PI4K2A: variants seen among roughly 807,000 people sequenced by gnomAD.
PI4K2A encodes phosphatidylinositol 4-kinase type 2-alpha.
PI4K2A carries 20 observed loss-of-function variants against 55.0 expected under a neutral mutation model. The observed-to-expected ratio is 0.36, with a 90% CI of 0.26 to 0.53. The LOEUF (loss-of-function observed/expected upper bound fraction) is 0.53, where lower values mean the gene tolerates loss of function less well. Among genes scored for constraint, PI4K2A ranks in the 20% least tolerant of loss-of-function variants. PI4K2A has a pLI of 0.91. For synonymous variants in PI4K2A, 235 were observed against 258.5 expected (o/e 0.91, Z 0.87); for missense variants, 463 against 637.1 (o/e 0.73, Z 2.94).
chr10:97,642,928 T>TTC lies in PI4K2A; in HGVS notation c.435+1751_435+1752insTC, dbSNP rs1564772434. Among the ~76,000 whole-genome samples, 508 of 117,836 alleles carry TTC rather than the reference T, an allele frequency of 4.3e-3. 52 individuals carry two copies. The highest frequency in any genetic ancestry group is 0.019 in the African/African-American group (454 of 23,442). The allele number at this position is 117,836 out of a possible 152,430, so 77.3% of individuals were successfully genotyped here. On this transcript the variant is annotated intron_variant, in intron 1 of 8. Coordinates refer to ENST00000370631, the Ensembl canonical transcript of PI4K2A. ...TCCTTCCTTCCTTCCTTCCTTCCTT[T>TTC]CTTTCCTTTCTTTCTTTCTCTTTCT...
chr10:97,644,990 T>C (rs1030815637), intron 1 of PI4K2A, among the ~76,000 whole-genome samples: 1 of 152,116 alleles, frequency 6.6e-6, no homozygotes, highest in Non-Finnish European at 1.5e-5. Context: ...CAAGAACAGA[T>C]GGAAAATGCT....
In PI4K2A at chr10:97,641,188, G is replaced by T. The variant is rs539318977; in HGVS notation, c.435+11G>T. Reference sequence around the variant, plus strand: ...AAGGACCCTCAGGGGGTGAGTGCGGGGGTGGGGACCGCCGCCGCGGGCTGA... The same window carrying T: ...AAGGACCCTCAGGGGGTGAGTGCGGTGGTGGGGACCGCCGCCGCGGGCTGA... On this transcript the variant is annotated intron_variant, in intron 1 of 8. Transcript: ENST00000370631. 2.5e-6 allele frequency: 4 copies of T among 1,587,604 alleles called. No homozygotes were observed. The highest frequency in any genetic ancestry group is 2.7e-5 in the African/African-American group (2 of 73,240).
intron 2 of PI4K2A, among the ~76,000 whole-genome samples, chr10:97,655,869 C>A (rs1386364291): frequency 2.0e-5 from 3 of 152,176 alleles, no homozygotes; most frequent in African/African-American, 7.2e-5. Context: ...GCCACCACGC[C>A]TGGCCAGGAG....
At chr10:97,655,751 T>C (rs1019290659) in intron 2 of PI4K2A, among the ~76,000 whole-genome samples, 1 of 152,082 alleles carries the variant, frequency 6.6e-6, no homozygotes, top group African/African-American at 2.4e-5. Flanking sequence ...ATTTTTGTAT[T>C]TTTAGTAGAG....
rs370386173 is a variant in PI4K2A at position 97,656,466 on chromosome 10, G to A, written c.768+50G>A. The A allele has an allele frequency of 6.3e-7, 1 of 1,578,736 alleles. No individual in the cohort carries two copies. ...AAGGGTCATGATTTATAGTGACATA[G>A]TCATCCAAGTGGTGAAGCAAGGTGC... On this transcript the variant is annotated intron_variant, in intron 3 of 8. Coordinates refer to ENST00000370631, the Ensembl canonical transcript of PI4K2A. The surrounding 1 kb of genome is among the most constrained non-coding windows in gnomAD (Gnocchi z 4.5).
intron 4 of PI4K2A, 104 bp from the exon 5 acceptor site, chr10:97,662,803 C>T: frequency 1.3e-6 from 1 of 768,816 alleles, no homozygotes; most frequent in East Asian, 2.4e-5. Flanking sequence ...TGTAGTCATT[C>T]TCAGTAGAAG....
At chr10:97,668,551 C>T (rs1423288794) in intron 8 of PI4K2A, among the ~76,000 whole-genome samples, 1 of 152,078 alleles carries the variant, frequency 6.6e-6, no homozygotes, top group African/African-American at 2.4e-5. Flanking sequence ...GCACTCCAGT[C>T]TAGGGGACAG....
chr10:97,659,871 A>G (rs935973918), intron 4 of PI4K2A, among the ~76,000 whole-genome samples: 1 of 152,064 alleles, frequency 6.6e-6, no homozygotes, highest in East Asian at 1.9e-4. Flanking sequence ...TGCCACTACA[A>G]TTGTTGTCCA....
chr10:97,642,409 CTT>C (rs200764187), intron 1 of PI4K2A, among the ~76,000 whole-genome samples: 1 of 136,102 alleles, frequency 7.3e-6, no homozygotes, highest in African/African-American at 2.7e-5. Flanking sequence ...TTTTTTTTTT[CTT>C]TTTTTTTTGA....
At chr10:97,653,838 A>T (rs2135755587) in intron 2 of PI4K2A, among the ~76,000 whole-genome samples, 2 of 152,100 alleles carry the variant, frequency 1.3e-5, no homozygotes, top group South Asian at 2.1e-4. Flanking sequence ...AATCGCTTGA[A>T]CCTGGAAGGC....
At chr10:97,651,601 T>C (rs1397285712) in intron 2 of PI4K2A, among the ~76,000 whole-genome samples, 1 of 152,196 alleles carries the variant, frequency 6.6e-6, no homozygotes, top group African/African-American at 2.4e-5. Flanking sequence ...GCCTGAACCC[T>C]ACAGGGAACT....
intron 4 of PI4K2A, 59 bp from the exon 5 acceptor site, chr10:97,662,848 A>G: frequency 9.5e-7 from 1 of 1,054,908 alleles, no homozygotes; most frequent in South Asian, 1.3e-5. Flanking sequence ...CTAGTCCACC[A>G]TTACAAAAAT....
chr10:97,656,271 C>T lies in PI4K2A; in HGVS notation c.637-14C>T, dbSNP rs756093662. On this transcript the variant is annotated splice_polypyrimidine_tract_variant and intron_variant, in intron 2 of 8. Coordinates refer to ENST00000370631, the Ensembl canonical transcript of PI4K2A. This position sits in a 1 kb window ranked among gnomAD's most constrained non-coding sequence, Gnocchi z 4.5. Reference sequence around the variant, plus strand: ...CTTGACTCTAACCTTAGTATCTCTTCTCTTTCACTGTAGGTAGTATACCTG... The same window carrying T: ...CTTGACTCTAACCTTAGTATCTCTTTTCTTTCACTGTAGGTAGTATACCTG... 12 of 1,609,980 alleles carry T rather than the reference C, an allele frequency of 7.5e-6. No individual in the cohort carries two copies. In the East Asian group the frequency reaches 2.0e-4, roughly 27 times the overall value.
intron 2 of PI4K2A, among the ~76,000 whole-genome samples, chr10:97,653,899 A>G (rs2041540428): frequency 6.7e-6 from 1 of 149,388 alleles, no homozygotes; most frequent in Admixed American, 6.7e-5. Flanking sequence ...CCTGGGCAAC[A>G]GAGCGAGACT....
intron 1 of PI4K2A, 50 bp downstream of exon 1, chr10:97,641,227 T>C (rs776563717): frequency 7.1e-7 from 1 of 1,402,696 alleles, no homozygotes; most frequent in African/African-American, 1.5e-5. Flanking sequence ...CCGGCGGCGC[T>C]CCTGGGGAGT....
intron 1 of PI4K2A, among the ~76,000 whole-genome samples, chr10:97,649,562 C>G (rs1341134448): frequency 7.0e-6 from 1 of 142,976 alleles, no homozygotes; most frequent in Non-Finnish European, 1.5e-5. Flanking sequence ...GAGAGGAAAT[C>G]TCTTCATCAT....
chr10:97,641,172 CAG>C lies in PI4K2A; in HGVS notation c.431_432del (p.Gln144ArgfsTer12), dbSNP rs1491534556. On this transcript the variant is annotated frameshift_variant, in exon 1 of 9. Coordinates refer to ENST00000370631, the Ensembl canonical transcript of PI4K2A. LOFTEE classifies it high-confidence loss of function. ...CGGAAGCTACTTCGTCAAGGACCCT[CAG>C]GGGGTGAGTGCGGGGGTGGGGACCG... 1.2e-6 allele frequency: 2 copies of C among 1,602,164 alleles called. No individual in the cohort carries two copies. The highest frequency in any genetic ancestry group is 1.7e-6 in the Non-Finnish European group (2 of 1,177,118).
At chr10:97,674,494 T>C (rs1589940522) in exon 9 of PI4K2A, 1 of 152,354 alleles carries the variant, frequency 6.6e-6, no homozygotes, top group South Asian at 2.1e-4. Context: ...GAAGAGCTAG[T>C]CTTAGCATTT....
chr10:97,646,529 G>GT (rs1277351333), intron 1 of PI4K2A, among the ~76,000 whole-genome samples: 1 of 152,036 alleles, frequency 6.6e-6, no homozygotes. Context: ...ATTTTTAAGA[G>GT]TTTAAACTTT....
Sources: allele counts gnomAD v4.1 joint callset (sites outside exome capture counted in the v4.1 genomes callset), GRCh38; gene constraint gnomAD v4.1.1; non-coding constraint Gnocchi (gnomAD v3.1); transcripts MANE v1.5; gene names NCBI Gene and HGNC (gene_info 2026-07-23, HGNC 2026-07-21).